ZC3H14: variants seen among roughly 807,000 people sequenced by gnomAD.
ZC3H14 encodes the protein zinc finger CCCH-type containing 14, also known as zinc finger CCCH domain-containing protein 14.
A neutral mutation model predicts 92.4 loss-of-function variants in ZC3H14; 31 were observed. The observed-to-expected ratio is 0.34, with a 90% CI of 0.25 to 0.45. The LOEUF (loss-of-function observed/expected upper bound fraction) is 0.45, where lower values mean the gene tolerates loss of function less well. Ranked by LOEUF, ZC3H14 falls within the 20% of genes least tolerant of loss-of-function variation. ZC3H14 has a pLI of 1.00. For missense variants in ZC3H14, 781 were observed against 897.3 expected (o/e 0.87, Z 1.66); for synonymous variants, 321 against 300.9 (o/e 1.07, Z -0.69).
rs35953031 is a variant in ZC3H14, at chr14:88,620,934, T to TAAA, written c.*9198_*9200dup. The stretch of plus-strand genomic sequence containing the variant: ...CACTTTGTTTAACATCTTCTGCATT[T>TAAA]AAAAAAAAAAAAAAAAAGAGTCATA... On this transcript the variant is annotated 3_prime_UTR_variant, in exon 17 of 17. Coordinates refer to ENST00000251038, the MANE Select transcript of ZC3H14 (RefSeq NM_024824.5). This position sits in a 1 kb window ranked among gnomAD's most constrained non-coding sequence, Gnocchi z 4.3. The TAAA allele has an allele frequency of 1.3e-4, 185 of 1,372,050 alleles. No individual in the cohort carries two copies. The highest frequency in any genetic ancestry group is 4.3e-4 in the South Asian group (27 of 62,268). The allele number at this position is 1,372,050 out of a possible 1,614,324, so 85.0% of individuals were successfully genotyped here. A position where few individuals can be genotyped will look rare whatever the true frequency, so the allele number is the denominator to read the frequency against.
Position 88,616,995 on chromosome 14 carries a change from G to T in ZC3H14, c.*5244G>T. The T allele has an allele frequency of 1.1e-6, 1 of 917,964 alleles. No homozygotes were observed. Among genetic ancestry groups the T allele is most frequent in the Non-Finnish European group, 1.6e-6 (1 of 623,696 alleles). The allele number at this position is 917,964 out of a possible 1,614,324, so 56.9% of individuals were successfully genotyped here. A position where few individuals can be genotyped will look rare whatever the true frequency, so the allele number is the denominator to read the frequency against. On this transcript the variant is annotated 3_prime_UTR_variant, in exon 17 of 17. Coordinates refer to ENST00000251038, the MANE Select transcript of ZC3H14 (RefSeq NM_024824.5). ...ACCCTATCATGTTACTTAAAATACA[G>T]GAAGTAAATTATGGTAAGTTGTTTG...
chr14:88,621,028 A>G lies in ZC3H14; in HGVS notation c.*9277A>G. 6.7e-7 allele frequency: 1 copy of G among 1,484,672 alleles called. No individual in the cohort carries two copies. The highest frequency in any genetic ancestry group is 8.9e-7 in the Non-Finnish European group (1 of 1,117,684). The allele number at this position is 1,484,672 out of a possible 1,614,324, so 92.0% of individuals were successfully genotyped here. On this transcript the variant is annotated 3_prime_UTR_variant, in exon 17 of 17. Coordinates refer to ENST00000251038, the MANE Select transcript of ZC3H14 (RefSeq NM_024824.5). ...TCAAAATGCTCAACAGAATTCTGGCAGTTCTTTAAGTACTAGCAATTTAGA... is the reference window on the plus strand; with the variant it reads ...TCAAAATGCTCAACAGAATTCTGGCGGTTCTTTAAGTACTAGCAATTTAGA...
intron 13 of ZC3H14, chr14:88,608,946 A>G: frequency 3.0e-6 from 1 of 329,174 alleles, no homozygotes; most frequent in Non-Finnish European, 5.7e-6. Flanking sequence ...TGCATAGAGG[A>G]TGTGTTTATT....
At chr14:88,574,494 C>T (rs1350774443) in intron 6 of ZC3H14, 199 bp from the exon 7 acceptor site, 21 of 575,916 alleles carry the variant, frequency 3.6e-5, no homozygotes, top group Non-Finnish European at 3.6e-5. Flanking sequence ...CCGCCCACTT[C>T]GGCCTTCCAA....
chr14:88,623,017 CTT>C lies in ZC3H14; in HGVS notation c.*11281_*11282del, dbSNP rs33958046. On this transcript the variant is annotated 3_prime_UTR_variant, in exon 17 of 17. Transcript: ENST00000251038. ...CAATACATTATCCTCTCTCATAATA[CTT>C]TTTTTTTTTTTTTTAAGATGTAGTC... 8.4e-4 allele frequency: 127 copies of C among 150,440 alleles called. No homozygotes were observed. The highest frequency in any genetic ancestry group is 1.2e-3 in the Non-Finnish European group (86 of 71,716). 9.3% of individuals were successfully genotyped at this position (150,440 alleles called of 1,614,324 possible).
rs1388393931 is a variant in ZC3H14 at position 88,620,527 on chromosome 14, A to G, written c.*8776A>G. 7.9e-6 allele frequency: 3 copies of G among 379,184 alleles called. No homozygotes were observed. The highest frequency in any genetic ancestry group is 1.4e-5 in the Non-Finnish European group (3 of 215,498). 23.5% of individuals were successfully genotyped at this position (379,184 alleles called of 1,614,324 possible). ...GCTAAGTGTTAACATGAATTCATCAAACATTACCTACTAGTACTTGCTATT... is the reference window on the plus strand; with the variant it reads ...GCTAAGTGTTAACATGAATTCATCAGACATTACCTACTAGTACTTGCTATT... On this transcript the variant is annotated 3_prime_UTR_variant, in exon 17 of 17. Transcript: ENST00000251038. This position sits in a 1 kb window ranked among gnomAD's most constrained non-coding sequence, Gnocchi z 4.3.
At chr14:88,593,708 A>T (rs1037112195) in intron 9 of ZC3H14, among the ~76,000 whole-genome samples, 2 of 152,226 alleles carry the variant, frequency 1.3e-5, no homozygotes, top group Admixed American at 1.3e-4. Context: ...ATCTTATGTC[A>T]TAAACAAAAA....
chr14:88,593,998 A>G (rs758009627), intron 9 of ZC3H14, among the ~76,000 whole-genome samples: 5 of 152,152 alleles, frequency 3.3e-5, no homozygotes, highest in African/African-American at 4.8e-5. Context: ...CCCATCCTTA[A>G]GTTTACACGA....
intron 4 of ZC3H14, among the ~76,000 whole-genome samples, 196 bp downstream of exon 4, chr14:88,571,320 G>A (rs1392217546): frequency 6.6e-6 from 1 of 152,026 alleles, no homozygotes; most frequent in Admixed American, 6.6e-5. Flanking sequence ...GTGTGGGAGA[G>A]GGAGCAGTGC....
intron 9 of ZC3H14, among the ~76,000 whole-genome samples, chr14:88,580,131 G>A (rs1007986822): frequency 2.6e-5 from 4 of 152,050 alleles, no homozygotes; most frequent in African/African-American, 9.7e-5. Context: ...GGAGGCTGAG[G>A]TGGGAGGATT....
chr14:88,618,441 T>A lies in ZC3H14; in HGVS notation c.*6690T>A, dbSNP rs2088140540. 1 of 1,133,670 alleles carries A rather than the reference T, an allele frequency of 8.8e-7. No homozygotes were observed. Among genetic ancestry groups the A allele is most frequent in the Admixed American group, 2.2e-5 (1 of 45,904 alleles). 70.2% of individuals were successfully genotyped at this position (1,133,670 alleles called of 1,614,324 possible). ...GCTACTTGATTTACATGTCTAACAT[T>A]ATTAAGTATGCAAAAGATCACTACA... On this transcript the variant is annotated 3_prime_UTR_variant, in exon 17 of 17. Transcript: ENST00000251038.
chr14:88,584,893 G>C (rs1195555370), intron 9 of ZC3H14, among the ~76,000 whole-genome samples: 1 of 152,022 alleles, frequency 6.6e-6, no homozygotes, highest in African/African-American at 2.4e-5. Flanking sequence ...TGTTACAACT[G>C]TGGCTGCAGT....
rs2088271457 is a variant in ZC3H14, at chr14:88,618,870, A to AG, written c.*7120dup. The stretch of plus-strand genomic sequence containing the variant: ...CCACATGAAGTATTATAAATACTTA[A>AG]GATCAGTGACTTTTCCTTTCTAGTT... On this transcript the variant is annotated 3_prime_UTR_variant, in exon 17 of 17. Transcript: ENST00000251038. The AG allele has an allele frequency of 6.8e-7, 1 of 1,475,810 alleles. No individual in the cohort carries two copies. The allele number at this position is 1,475,810 out of a possible 1,614,324, so 91.4% of individuals were successfully genotyped here. A position where few individuals can be genotyped will look rare whatever the true frequency, so the allele number is the denominator to read the frequency against.
At chr14:88,585,622 C>T (rs1012008621) in intron 9 of ZC3H14, among the ~76,000 whole-genome samples, 1 of 152,028 alleles carries the variant, frequency 6.6e-6, no homozygotes, top group Non-Finnish European at 1.5e-5. Flanking sequence ...GATCCCCTGA[C>T]CTTGTTATCT....
chr14:88,621,889 C>T lies in ZC3H14; in HGVS notation c.*10138C>T. On this transcript the variant is annotated 3_prime_UTR_variant, in exon 17 of 17. Coordinates refer to ENST00000251038, the MANE Select transcript of ZC3H14 (RefSeq NM_024824.5). ...TCTTTGTGATGGAAACTTTCAAAAT[C>T]CTCTCTTGTAAATACCTGAAAATAC... The T allele has an allele frequency of 2.2e-6, 1 of 456,354 alleles. No individual in the cohort carries two copies. Among genetic ancestry groups the T allele is most frequent in the Non-Finnish European group, 4.4e-6 (1 of 226,840 alleles). 28.3% of individuals were successfully genotyped at this position (456,354 alleles called of 1,614,324 possible). A position where few individuals can be genotyped will look rare whatever the true frequency, so the allele number is the denominator to read the frequency against.
At position 88,620,861 on chromosome 14, in the gene ZC3H14, G is replaced by A. The variant is rs1307909370; in HGVS notation, c.*9110G>A. The A allele has an allele frequency of 1.9e-6, 3 of 1,583,378 alleles. No individual in the cohort carries two copies. The highest frequency in any genetic ancestry group is 2.6e-6 in the Non-Finnish European group (3 of 1,165,012). On this transcript the variant is annotated 3_prime_UTR_variant, in exon 17 of 17. Transcript: ENST00000251038. This position sits in a 1 kb window ranked among gnomAD's most constrained non-coding sequence, Gnocchi z 4.3. Reference sequence around the variant, plus strand: ...CATTTTTCATTCCAATAGCCACCATGTCCCCTTCAGGGCTGTAACACACAG... The same window carrying A: ...CATTTTTCATTCCAATAGCCACCATATCCCCTTCAGGGCTGTAACACACAG...
At chr14:88,608,349 C>A in intron 13 of ZC3H14, 1 of 474,292 alleles carries the variant, frequency 2.1e-6, no homozygotes, top group South Asian at 1.6e-5. Context: ...GAATACCATC[C>A]CCATCTCACC....
rs2081095114 is a variant in ZC3H14 at position 88,575,874 on chromosome 14, A to G, written c.1057A>G (p.Asn353Asp). ...TCCACCTTCTAAACAAGCTAACAAG[A>G]ATCTGATTTTGAAGGCTATATCTGA... ...SLPPSKQANK[N>D]LILKAISEAQ... The change falls in exon 8 of 17, where the codon AAT becomes GAT. Residue 353 changes from asparagine to aspartate, a missense_variant. By Grantham distance (23) the Asn-to-Asp change is conservative. Around this residue, in one of 3 missense-constraint regions of ZC3H14, gnomAD observed 454 missense variants for 438.5 expected, o/e 1.04. Coordinates refer to ENST00000251038, the MANE Select transcript of ZC3H14 (RefSeq NM_024824.5). 1 of 1,613,866 alleles carries G rather than the reference A, an allele frequency of 6.2e-7. No homozygotes were observed. The highest frequency in any genetic ancestry group is 1.3e-5 in the African/African-American group (1 of 74,938).
intron 3 of ZC3H14, among the ~76,000 whole-genome samples, chr14:88,570,443 G>A (rs2080239672): frequency 6.6e-6 from 1 of 152,206 alleles, no homozygotes; most frequent in African/African-American, 2.4e-5. Context: ...AAGTAATAGA[G>A]TGAAATGATA....
Sources: gnomAD v4.1 joint callset for allele counts (sites outside exome capture counted in the v4.1 genomes callset) on GRCh38, gnomAD v4.1.1 for gene constraint, gnomAD v4.1.1 regional missense constraint, Gnocchi (gnomAD v3.1) non-coding constraint, MANE v1.5 for transcripts, NCBI Gene and HGNC (gene_info 2026-07-23, HGNC 2026-07-21) for gene names.